Variants in SCNN1G observed in about 807,000 individuals in gnomAD.
The protein encoded by SCNN1G is epithelial sodium channel subunit gamma.
A neutral mutation model predicts 64.6 loss-of-function variants in SCNN1G; 27 were observed. The observed-to-expected ratio is 0.42, with a 90% confidence interval of 0.31 to 0.58. The LOEUF is 0.58. SCNN1G is among the 20% of genes least tolerant of loss of function. The probability of loss-of-function intolerance (pLI) is 0.18; values close to 1 mark genes in which losing one functional copy is unlikely to be tolerated. For synonymous variants in SCNN1G, 330 were observed against 314.2 expected, an observed-to-expected ratio of 1.05 and a Z score of -0.53; for missense variants, 743 against 823.4, an observed-to-expected ratio of 0.90 and a Z score of 1.19.
At chr16:23,206,850 C>G (rs1439052598) in intron 6 of SCNN1G, among the ~76,000 whole-genome samples, 2 of 152,138 alleles carry the variant, frequency 1.3e-5, no homozygotes, top group Non-Finnish European at 2.9e-5. Flanking sequence ...CACATACAAA[C>G]TCACACATAT....
chr16:23,192,647 G>T (rs535825339), intron 4 of SCNN1G, 105 bp downstream of exon 4: 2 of 921,466 alleles, frequency 2.2e-6, no homozygotes, highest in African/African-American at 1.6e-5. Flanking sequence ...GGGAGCAAAA[G>T]GTGCTCTTCT....
chr16:23,202,004 T>TG (rs1434055666), intron 6 of SCNN1G, among the ~76,000 whole-genome samples: 1 of 152,066 alleles, frequency 6.6e-6, no homozygotes, highest in Non-Finnish European at 1.5e-5. Flanking sequence ...TTTGTAGAGA[T>TG]GGGGGTCTCG....
intron 1 of SCNN1G, among the ~76,000 whole-genome samples, chr16:23,183,213 A>C (rs891798625): frequency 3.4e-4 from 52 of 152,282 alleles, no homozygotes; most frequent in Non-Finnish European, 7.4e-5. Flanking sequence ...AAAGAAGCAA[A>C]CACTTGAAGT....
rs369647146 is a variant in SCNN1G at position 23,209,798 on chromosome 16, G to A, written c.1126G>A (p.Gly376Arg). Residue 376 changes from glycine (G) to arginine (R), a missense_variant, in exon 7 of 13, where the codon GGG (glycine) becomes AGG (arginine). Coordinates refer to ENST00000300061, the MANE Select transcript of SCNN1G (RefSeq NM_001039.4). ...SEPYSQCTED[G>R]SDVPIRNIYN... is the part of the protein sequence containing the mutation. ...GCCCTACAGTCAGTGCACGGAGGAC[G>A]GGAGTGACGTGCCAATCAGGAACAT... 36 of 1,613,972 alleles carry A rather than the reference G, an allele frequency of 2.2e-5. No homozygotes were observed. The highest frequency in any genetic ancestry group is 5.5e-5 in the South Asian group (5 of 91,076).
chr16:23,198,699 A>G (rs1903454337), intron 6 of SCNN1G, among the ~76,000 whole-genome samples: 1 of 151,418 alleles, frequency 6.6e-6, no homozygotes, highest in African/African-American at 2.4e-5. Context: ...TGATTGTACC[A>G]TTGCACTCCA....
At chr16:23,212,952 A>G (rs965793532) in intron 10 of SCNN1G, 58 bp downstream of exon 10, 14 of 1,572,470 alleles carry the variant, frequency 8.9e-6, no homozygotes, top group African/African-American at 1.4e-5. Context: ...CCCCACTGAC[A>G]TTTTTGCTGT....
intron 6 of SCNN1G, among the ~76,000 whole-genome samples, chr16:23,203,796 A>AAAAAG: frequency 6.7e-6 from 1 of 149,976 alleles, no homozygotes; most frequent in Non-Finnish European, 1.5e-5. Flanking sequence ...AAAAAAAAAA[A>AAAAAG]GAGCTCTGAT....
chr16:23,187,675 C>T (rs1279373244), intron 2 of SCNN1G, among the ~76,000 whole-genome samples: 1 of 152,192 alleles, frequency 6.6e-6, no homozygotes, highest in Admixed American at 6.5e-5. Flanking sequence ...GCCCCAAACC[C>T]TCATCTGAAT....
intron 7 of SCNN1G, among the ~76,000 whole-genome samples, chr16:23,211,183 C>T (rs1400271435): frequency 6.6e-6 from 1 of 152,218 alleles, no homozygotes; most frequent in Non-Finnish European, 1.5e-5. Flanking sequence ...GAAAGCAAAG[C>T]ATCTGAGAGG....
At chr16:23,191,907 G>A (rs1441758161) in intron 3 of SCNN1G, among the ~76,000 whole-genome samples, 1 of 152,168 alleles carries the variant, frequency 6.6e-6, no homozygotes, top group Non-Finnish European at 1.5e-5. Context: ...GTGAGATAAT[G>A]GGCACAGAAT....
intron 1 of SCNN1G, among the ~76,000 whole-genome samples, chr16:23,184,721 A>G (rs778667058): frequency 6.6e-6 from 1 of 150,904 alleles, no homozygotes; most frequent in Non-Finnish European, 1.5e-5. Flanking sequence ...TTCCAATTTT[A>G]GCCCATATTT....
At position 23,192,395 on chromosome 16, in the gene SCNN1G, C is replaced by G. The variant is rs533858031; in HGVS notation, c.662C>G (p.Ser221Trp). ...TSDCATYTFS[S>W]GINAIQEWYK... is the part of the protein sequence containing the mutation. Reference sequence around the variant, plus strand: ...GACTGTGCCACCTACACCTTCAGCTCGGGAATCAATGCCATTCAGGAGTGG... The same window carrying G: ...GACTGTGCCACCTACACCTTCAGCTGGGGAATCAATGCCATTCAGGAGTGG... The change falls in exon 4 of 13, where the codon TCG (serine) becomes TGG (tryptophan). Residue 221 changes from serine to tryptophan, a missense_variant. Coordinates refer to ENST00000300061, the MANE Select transcript of SCNN1G (RefSeq NM_001039.4). 5 of 1,614,096 alleles carry G rather than the reference C, an allele frequency of 3.1e-6. No homozygotes were observed. The highest frequency in any genetic ancestry group is 4.2e-6 in the Non-Finnish European group (5 of 1,179,986).
intron 4 of SCNN1G, among the ~76,000 whole-genome samples, chr16:23,193,088 AAAAAAAAAAC>A (rs1942019328): frequency 1.3e-5 from 2 of 151,146 alleles, no homozygotes; most frequent in South Asian, 4.2e-4. Flanking sequence ...AAAAAAAAAA[AAAAAAAAAAC>A]CCAACCCACA....
At chr16:23,209,921 G>A (rs1278786589) in intron 7 of SCNN1G, 73 bp downstream of exon 7, 2 of 1,039,304 alleles carry the variant, frequency 1.9e-6, no homozygotes, top group Non-Finnish European at 3.0e-6. Flanking sequence ...TATCTAAGCT[G>A]GGGTGTGGCT....
At chr16:23,185,983 C>T (rs527494948) in intron 1 of SCNN1G, among the ~76,000 whole-genome samples, 1 of 152,330 alleles carries the variant, frequency 6.6e-6, no homozygotes, top group South Asian at 2.1e-4. Context: ...CCAGCCCCCG[C>T]ACGGCTAGGC....
chr16:23,190,830 G>GGTTT (rs1196971618), intron 3 of SCNN1G, among the ~76,000 whole-genome samples: 4 of 114,592 alleles, frequency 3.5e-5, no homozygotes, highest in Non-Finnish European at 5.5e-5. Context: ...CATTTGAGGG[G>GGTTT]ATTTTTTTTT....
chr16:23,187,584 T>G (rs546331530), intron 2 of SCNN1G, among the ~76,000 whole-genome samples: 1 of 152,174 alleles, frequency 6.6e-6, no homozygotes, highest in Non-Finnish European at 1.5e-5. Context: ...CGAGCTCACA[T>G]GTTCACTCTG....
rs1456651709 is a variant in SCNN1G, at chr16:23,214,741, A to G, written c.1523A>G (p.Tyr508Cys). The change falls in exon 12 of 13, where the codon TAC becomes TGC. Residue 508 changes from tyrosine to cysteine, a missense_variant. Physicochemically the swap from Tyr to Cys is radical, Grantham distance 194 (BLOSUM62 -2). Transcript: ENST00000300061. ...GACTTGGCCAAACTCTTGATATTCT[A>G]CAAAGACCTGAACCAGAGATCCATC... ...KTDLAKLLIF[Y>C]KDLNQRSIME... 1.2e-6 allele frequency: 2 copies of G among 1,614,058 alleles called. No individual in the cohort carries two copies. The highest frequency in any genetic ancestry group is 8.5e-7 in the Non-Finnish European group (1 of 1,180,016).
rs67132706 is a variant in SCNN1G, at chr16:23,199,663, C to CT, written c.1077+2262dup. On this transcript the variant is annotated intron_variant, in intron 6 of 12. Transcript: ENST00000300061. ...TGATGTTTTTCTTTTCTTTTCTTTTCTTTTTTTTTTTTTTTTTTTTTTTTT... is the reference window on the plus strand; with the variant it reads ...TGATGTTTTTCTTTTCTTTTCTTTTCTTTTTTTTTTTTTTTTTTTTTTTTTT... Among the ~76,000 whole-genome samples the CT allele has an allele frequency of 6.6e-3, 391 of 59,654 alleles. 60 individuals carry two copies. The highest frequency in any genetic ancestry group is 0.031 in the Middle Eastern group (2 of 64). The allele number at this position is 59,654 out of a possible 152,430, so 39.1% of individuals were successfully genotyped here.
Sources: allele counts gnomAD v4.1 joint callset (sites outside exome capture counted in the v4.1 genomes callset), GRCh38; gene constraint gnomAD v4.1.1; transcripts MANE v1.5; gene names NCBI Gene and HGNC (gene_info 2026-07-23, HGNC 2026-07-21).